The following PHEX variants were observed in gnomAD, a reference collection of about 807,000 sequenced individuals.
PHEX encodes the protein phosphate-regulating neutral endopeptidase PHEX.
PHEX carries 16 observed loss-of-function variants against 68.0 expected under a neutral mutation model. The ratio of observed to expected loss-of-function variants is 0.24; its 90% CI spans 0.16 to 0.36. The LOEUF (loss-of-function observed/expected upper bound fraction) is 0.36. PHEX is among the 10% of genes least tolerant of loss of function. The pLI, the probability that PHEX is intolerant of heterozygous loss-of-function variation, is 1.00. For synonymous variants in PHEX, 208 were observed against 205.1 expected, an observed-to-expected ratio of 1.01 and a Z score of -0.12; for missense variants, 480 against 575.5, an observed-to-expected ratio of 0.83 and a Z score of 1.70.
chrX:22,224,947 A>G (rs368357231), intron 18 of PHEX, among the ~76,000 whole-genome samples: 2 of 23,247 alleles, frequency 8.6e-5, no homozygotes, highest in Non-Finnish European at 7.9e-5. Flanking sequence ...AAATAACATA[A>G]ATTATCATAC....
At position 22,248,013 on chromosome X, in the gene PHEX, G is replaced by C; in HGVS notation, c.*60G>C. The C allele has an allele frequency of 1.2e-6, 1 of 824,759 alleles. No homozygotes were observed. Among genetic ancestry groups the C allele is most frequent in the South Asian group, 2.0e-5 (1 of 49,186 alleles). 68.0% of individuals were successfully genotyped at this position (824,759 alleles called of 1,213,427 possible). The stretch of plus-strand genomic sequence containing the variant: ...GCACAGTGCCAGCGGAGGCTGCACT[G>C]AGCCTTCATCGCCCATTGCTTTAGG... On this transcript the variant is annotated 3_prime_UTR_variant, in exon 22 of 22. Coordinates refer to ENST00000379374, the MANE Select transcript of PHEX (RefSeq NM_000444.6).
intron 5 of PHEX, among the ~76,000 whole-genome samples, chrX:22,089,417 G>GT (rs1209292004): frequency 2.8e-4 from 27 of 96,693 alleles, no homozygotes; most frequent in Admixed American, 5.5e-4. Context: ...TTTTTTTTTT[G>GT]TTTTTTTTGT....
intron 15 of PHEX, among the ~76,000 whole-genome samples, chrX:22,198,131 ATT>A (rs1934428828): frequency 1.1e-5 from 1 of 91,446 alleles, no homozygotes; most frequent in African/African-American, 5.9e-5. Context: ...CATATAATAT[ATT>A]ATATAATATT....
At chrX:22,240,573 AAAAC>A (rs1159358253) in intron 20 of PHEX, among the ~76,000 whole-genome samples, 1 of 96,724 alleles carries the variant, frequency 1.0e-5, no homozygotes, top group Non-Finnish European at 2.2e-5. Context: ...GCAAAAAACA[AAAAC>A]AAACAAAAAA....
intron 18 of PHEX, among the ~76,000 whole-genome samples, chrX:22,224,978 C>CATACAGCGCTGTATGATTTATTATT: frequency 2.7e-5 from 3 of 112,030 alleles, no homozygotes; most frequent in African/African-American, 6.5e-5. Context: ...GATTTATTAT[C>CATACAGCGCTGTATGATTTATTATT]ATACAGCTCT....
chrX:22,222,594 G>C (rs749956498), intron 18 of PHEX, among the ~76,000 whole-genome samples: 6 of 111,502 alleles, frequency 5.4e-5, no homozygotes, highest in African/African-American at 2.0e-4. Flanking sequence ...CTGATCCTTC[G>C]TGACATACTC....
chrX:22,109,691 G>A (rs1387894671), intron 9 of PHEX, among the ~76,000 whole-genome samples: 1 of 111,543 alleles, frequency 9.0e-6, no homozygotes, highest in Non-Finnish European at 1.9e-5. Context: ...CAGCTGGGAG[G>A]GGAATGGATC....
At chrX:22,167,025 C>T (rs1933348154) in intron 12 of PHEX, among the ~76,000 whole-genome samples, 1 of 111,860 alleles carries the variant, frequency 8.9e-6, no homozygotes, top group South Asian at 3.7e-4. Context: ...TGTACATATA[C>T]TACATTTTTA....
At chrX:22,239,443 G>A (rs1936105595) in intron 20 of PHEX, among the ~76,000 whole-genome samples, 1 of 111,020 alleles carries the variant, frequency 9.0e-6, no homozygotes, top group Admixed American at 9.7e-5. Context: ...AGACTCCTCC[G>A]AGGTAAAGGA....
intron 9 of PHEX, among the ~76,000 whole-genome samples, chrX:22,104,857 G>A (rs2285063): frequency 9.0e-6 from 1 of 111,425 alleles, no homozygotes; most frequent in Non-Finnish European, 1.9e-5. Context: ...TCTGCGCCAG[G>A]ACTGTTTTCT....
chrX:22,062,847 G>A (rs1928433484), intron 3 of PHEX, among the ~76,000 whole-genome samples: 1 of 108,302 alleles, frequency 9.2e-6, no homozygotes, highest in South Asian at 3.9e-4. Flanking sequence ...TGCAACCTCT[G>A]CCTCCCAGGT....
At chrX:22,125,970 T>C (rs1181565645) in intron 11 of PHEX, among the ~76,000 whole-genome samples, 4 of 111,878 alleles carry the variant, frequency 3.6e-5, no homozygotes, top group African/African-American at 9.7e-5. Flanking sequence ...ATGAAAGATA[T>C]TTGATTCAAT....
chrX:22,145,706 A>G (rs1248200738), intron 12 of PHEX, among the ~76,000 whole-genome samples: 3 of 111,071 alleles, frequency 2.7e-5, no homozygotes, highest in African/African-American at 9.8e-5. Context: ...CATTGATAAT[A>G]TTTCATTGAT....
At chrX:22,055,453 C>T (rs768192280) in intron 3 of PHEX, among the ~76,000 whole-genome samples, 1 of 111,036 alleles carries the variant, frequency 9.0e-6, no homozygotes, top group Non-Finnish European at 1.9e-5. Flanking sequence ...GTGAATGTAT[C>T]TCTAGGATAT....
intron 20 of PHEX, among the ~76,000 whole-genome samples, chrX:22,233,791 C>T (rs1935857385): frequency 9.0e-6 from 1 of 111,626 alleles, no homozygotes; most frequent in African/African-American, 3.3e-5. Context: ...TGTTATCACC[C>T]ACCTTCTGAA....
chrX:22,090,543 C>A, intron 6 of PHEX, 46 bp downstream of exon 6: 2 of 931,447 alleles, frequency 2.1e-6, no homozygotes, highest in Non-Finnish European at 3.1e-6. Context: ...AGGCTGCTGT[C>A]AGGCCCATTA....
In PHEX at chrX:22,180,440, G is replaced by A. The variant is rs769229239; in HGVS notation, c.1586+2064G>A. ...ATCTCTCTTTTAAATTTCTGACTGG[G>A]TTTTCCTCGTTAGTTTTCTACTAAG... On this transcript the variant is annotated intron_variant, in intron 14 of 21. Coordinates refer to ENST00000379374, the MANE Select transcript of PHEX (RefSeq NM_000444.6). Among the ~76,000 whole-genome samples, 161 of 109,559 alleles carry A rather than the reference G, an allele frequency of 1.5e-3. 1 individual carries two copies. Among genetic ancestry groups the A allele is most frequent in the African/African-American group, 4.7e-3 (139 of 29,680 alleles).
intron 15 of PHEX, among the ~76,000 whole-genome samples, chrX:22,208,044 A>AC (rs1434501768): frequency 7.8e-5 from 2 of 25,760 alleles, no homozygotes; most frequent in Non-Finnish European, 1.5e-4. Context: ...CTAGCCCCCC[A>AC]CCCCCCGACA....
At chrX:22,057,805 T>C (rs1429947587) in intron 3 of PHEX, among the ~76,000 whole-genome samples, 1 of 111,636 alleles carries the variant, frequency 9.0e-6, no homozygotes, top group African/African-American at 3.3e-5. Context: ...CCAAGCATAG[T>C]GCCTGCCATA....
Sources: allele counts gnomAD v4.1 joint callset (sites outside exome capture counted in the v4.1 genomes callset), GRCh38; gene constraint gnomAD v4.1.1; transcripts MANE v1.5; gene names NCBI Gene and HGNC (gene_info 2026-07-23, HGNC 2026-07-21).